Variants in KLHL29 observed in about 807,000 individuals in gnomAD.
KLHL29 encodes the protein kelch like family member 29.
KLHL29 carries 21 observed loss-of-function variants against 80.4 expected under a neutral mutation model. The observed-to-expected ratio is 0.26, with a 90% CI of 0.19 to 0.38. KLHL29 has a LOEUF of 0.38. Among genes scored for constraint, KLHL29 ranks in the 10% least tolerant of loss-of-function variants. KLHL29 has a pLI of 1.00. For missense variants in KLHL29, 867 were observed against 1,223.9 expected (o/e 0.71, Z 4.35); for synonymous variants, 511 against 526.8 (o/e 0.97, Z 0.41).
chr2:23,495,394 A>G (rs771837687), intron 2 of KLHL29, among the ~76,000 whole-genome samples: 2 of 152,118 alleles, frequency 1.3e-5, no homozygotes, highest in Non-Finnish European at 2.9e-5. Flanking sequence ...GACACATGAT[A>G]ATTTTGCAGC....
At chr2:23,452,032 A>AAAT (rs1301015872) in intron 1 of KLHL29, among the ~76,000 whole-genome samples, 1 of 151,872 alleles carries the variant, frequency 6.6e-6, no homozygotes, top group Non-Finnish European at 1.5e-5. Context: ...TTTTTTCTTG[A>AAAT]AATAGGTCTT....
At chr2:23,542,705 G>C (rs1220647918) in intron 2 of KLHL29, among the ~76,000 whole-genome samples, 2 of 152,222 alleles carry the variant, frequency 1.3e-5, no homozygotes, top group Non-Finnish European at 2.9e-5. Context: ...GGAGGGGCAG[G>C]CTTCTGCCTG....
intron 1 of KLHL29, among the ~76,000 whole-genome samples, chr2:23,411,916 T>C (rs909194067): frequency 6.6e-6 from 1 of 152,194 alleles, no homozygotes; most frequent in African/African-American, 2.4e-5. Context: ...TTCTGACTCA[T>C]GTTGTCATTG....
chr2:23,443,895 A>G (rs141427849), intron 1 of KLHL29, among the ~76,000 whole-genome samples: 3 of 152,348 alleles, frequency 2.0e-5, no homozygotes, highest in Non-Finnish European at 4.4e-5. Context: ...GCTGTTTCCC[A>G]AGAACTTGTC....
intron 11 of KLHL29, among the ~76,000 whole-genome samples, chr2:23,699,524 G>A (rs1672222700): frequency 1.3e-5 from 2 of 152,184 alleles, no homozygotes; most frequent in Non-Finnish European, 2.9e-5. Flanking sequence ...CCAGTGACCT[G>A]GCCAGGCTGC....
At chr2:23,398,585 G>C (rs1432328486) in intron 1 of KLHL29, among the ~76,000 whole-genome samples, 1 of 152,262 alleles carries the variant, frequency 6.6e-6, no homozygotes, top group Non-Finnish European at 1.5e-5. Flanking sequence ...TGCTGCCGCT[G>C]CTGGGATCCC....
chr2:23,554,286 A>G (rs1191954714), intron 2 of KLHL29, among the ~76,000 whole-genome samples: 1 of 152,252 alleles, frequency 6.6e-6, no homozygotes, highest in Non-Finnish European at 1.5e-5. Context: ...GGAAACTAAA[A>G]TAATAAAGAC....
chr2:23,670,977 TCTCCCTCCCTCC>T (rs1558432949), intron 5 of KLHL29, among the ~76,000 whole-genome samples: 2 of 6,358 alleles, frequency 3.1e-4, no homozygotes, highest in African/African-American at 1.0e-3. Flanking sequence ...TCTCTCTCTC[TCTCCCTCCCTCC>T]CTCCCTCCCT....
chr2:23,431,482 G>A (rs779287355), intron 1 of KLHL29, among the ~76,000 whole-genome samples: 1 of 152,262 alleles, frequency 6.6e-6, no homozygotes, highest in Non-Finnish European at 1.5e-5. Context: ...GGACTCCCTT[G>A]ACAGGCTCCT....
intron 1 of KLHL29, among the ~76,000 whole-genome samples, chr2:23,434,253 G>A (rs1262375068): frequency 2.0e-5 from 3 of 149,598 alleles, no homozygotes; most frequent in Non-Finnish European, 3.0e-5. Flanking sequence ...CCCGGGAGGC[G>A]GAGCTTGCAG....
At chr2:23,536,914 A>ACTCTCTCTCTCTCTCCCTCTCT (rs1175539908) in intron 2 of KLHL29, among the ~76,000 whole-genome samples, 5 of 72,354 alleles carry the variant, frequency 6.9e-5, no homozygotes, top group African/African-American at 3.7e-4. Flanking sequence ...ACACACACAC[A>ACTCTCTCTCTCTCTCCCTCTCT]CACACTCTCT....
At chr2:23,395,129 G>A (rs1447048150) in intron 1 of KLHL29, among the ~76,000 whole-genome samples, 1 of 152,156 alleles carries the variant, frequency 6.6e-6, no homozygotes, top group Non-Finnish European at 1.5e-5. Context: ...TTGTGTTGAG[G>A]TGACAGAGGA....
In KLHL29 at chr2:23,695,889, C is replaced by A; in HGVS notation, c.1742-62C>A. The A allele has an allele frequency of 6.5e-7, 1 of 1,534,532 alleles. No homozygotes were observed. Among genetic ancestry groups the A allele is most frequent in the Non-Finnish European group, 8.8e-7 (1 of 1,138,788 alleles). On this transcript the variant is annotated intron_variant, in intron 9 of 13. Transcript: ENST00000486442. The surrounding 1 kb of genome is among the most constrained non-coding windows in gnomAD (Gnocchi z 7.6). ...TGGGCTCAGTGGTTCCAGTGAGGTG[C>A]CAGGCACAGATGCCGACAGTCTTAG...
At chr2:23,510,618 T>G (rs1665739315) in intron 2 of KLHL29, among the ~76,000 whole-genome samples, 1 of 152,098 alleles carries the variant, frequency 6.6e-6, no homozygotes. Context: ...AGGCCTGGCT[T>G]ATCTGGGAGG....
intron 2 of KLHL29, among the ~76,000 whole-genome samples, chr2:23,545,105 G>A (rs937716634): frequency 3.3e-5 from 5 of 152,138 alleles, no homozygotes; most frequent in Admixed American, 2.6e-4. Flanking sequence ...CCAGGCCAGG[G>A]TGGACGTGGG....
intron 2 of KLHL29, among the ~76,000 whole-genome samples, chr2:23,510,897 G>T (rs924589313): frequency 1.3e-5 from 2 of 152,212 alleles, no homozygotes; most frequent in African/African-American, 4.8e-5. Flanking sequence ...ATACTCTGGT[G>T]AAGAATTCCA....
At chr2:23,432,272 T>C (rs1229325682) in intron 1 of KLHL29, among the ~76,000 whole-genome samples, 1 of 152,260 alleles carries the variant, frequency 6.6e-6, no homozygotes, top group Non-Finnish European at 1.5e-5. Context: ...TAATTAATAA[T>C]GCCAAAGCAT....
chr2:23,643,079 G>T (rs1270269076), intron 5 of KLHL29: 1 of 681,432 alleles, frequency 1.5e-6, no homozygotes, highest in Non-Finnish European at 2.7e-6. Context: ...ATGCGCCGGG[G>T]TAAGAAGAGG....
At chr2:23,420,519 A>C (rs1247378637) in intron 1 of KLHL29, among the ~76,000 whole-genome samples, 5 of 152,142 alleles carry the variant, frequency 3.3e-5, no homozygotes, top group Non-Finnish European at 5.9e-5. Context: ...TCACAAAGCG[A>C]CTGCTGCCCT....
Sources: allele counts gnomAD v4.1 joint callset (sites outside exome capture counted in the v4.1 genomes callset), GRCh38; gene constraint gnomAD v4.1.1; non-coding constraint Gnocchi (gnomAD v3.1); transcripts MANE v1.5; gene names NCBI Gene and HGNC (gene_info 2026-07-23, HGNC 2026-07-21).